UMAD1: variants seen among roughly 807,000 people sequenced by gnomAD.
The protein encoded by UMAD1 is UBAP1-MVB12-associated (UMA)-domain containing protein 1.
Under a neutral mutation model 6.1 loss-of-function variants are expected in UMAD1, and 8 were observed. The observed-to-expected ratio is 1.30, with a 90% CI of 0.76 to 2.35. UMAD1 has a LOEUF of 2.35. Ranked by LOEUF, UMAD1 falls within the 30% of genes most tolerant of loss-of-function variation. The probability of loss-of-function intolerance (pLI) is 0.00; values close to 1 mark genes in which losing one functional copy is unlikely to be tolerated. For missense variants in UMAD1, 130 were observed against 78.4 expected, an observed-to-expected ratio of 1.66 and a Z score of -2.49; for synonymous variants, 56 against 31.4, an observed-to-expected ratio of 1.78 and a Z score of -2.61.
At chr7:7,862,933 T>C (rs1160101067) in intron 3 of UMAD1, among the ~76,000 whole-genome samples, 1 of 152,186 alleles carries the variant, frequency 6.6e-6, no homozygotes, top group Non-Finnish European at 1.5e-5. Flanking sequence ...AAGAAAATTA[T>C]GATAATGTCT....
chr7:7,756,808 A>C (rs1781787440), intron 2 of UMAD1, among the ~76,000 whole-genome samples: 1 of 152,198 alleles, frequency 6.6e-6, no homozygotes, highest in African/African-American at 2.4e-5. Context: ...TACCAATCAT[A>C]TGTAGAGTTA....
intron 2 of UMAD1, among the ~76,000 whole-genome samples, chr7:7,783,862 C>G (rs1782401886): frequency 6.6e-6 from 1 of 152,092 alleles, no homozygotes; most frequent in Non-Finnish European, 1.5e-5. Context: ...TCTGGTTAAG[C>G]AAAATAAGAC....
chr7:7,723,628 T>C (rs116406583), intron 2 of UMAD1, among the ~76,000 whole-genome samples: 3,097 of 152,292 alleles, frequency 0.02, 94 homozygotes, highest in African/African-American at 0.071. Context: ...ACCTGTATCT[T>C]TCAAGAGCCC....
At chr7:7,668,424 A>T (rs919008790) in intron 1 of UMAD1, among the ~76,000 whole-genome samples, 4 of 152,300 alleles carry the variant, frequency 2.6e-5, no homozygotes, top group Non-Finnish European at 5.9e-5. Flanking sequence ...GGGGGACCAT[A>T]TTCACATAAC....
chr7:7,835,582 C>T (rs1583861216), intron 3 of UMAD1, among the ~76,000 whole-genome samples: 1 of 139,572 alleles, frequency 7.2e-6, no homozygotes, highest in Non-Finnish European at 1.5e-5. Flanking sequence ...GGAAATTGTA[C>T]AATAAATAAA....
intron 2 of UMAD1, among the ~76,000 whole-genome samples, chr7:7,794,391 A>C (rs1782629061): frequency 3.3e-5 from 5 of 152,168 alleles, no homozygotes; most frequent in Admixed American, 3.3e-4. Context: ...GGCTTATAAC[A>C]GGGAGCAAAA....
intron 3 of UMAD1, among the ~76,000 whole-genome samples, chr7:7,829,338 T>G (rs1783415692): frequency 6.6e-6 from 1 of 152,180 alleles, no homozygotes; most frequent in African/African-American, 2.4e-5. Flanking sequence ...GGGGAACAGG[T>G]GATTTCTGTT....
chr7:7,872,152 G>A (rs2115342049), intron 3 of UMAD1, among the ~76,000 whole-genome samples: 1 of 152,230 alleles, frequency 6.6e-6, no homozygotes, highest in Admixed American at 6.5e-5. Context: ...TACAGGTAAT[G>A]TACAGGCATA....
intron 2 of UMAD1, among the ~76,000 whole-genome samples, chr7:7,754,089 G>A (rs1000833120): frequency 1.3e-5 from 2 of 152,136 alleles, no homozygotes; most frequent in South Asian, 4.1e-4. Flanking sequence ...GGAGGCTGGG[G>A]CAGGAGAATC....
chr7:7,735,725 A>C (rs1048504363), intron 2 of UMAD1: 1 of 152,230 alleles, frequency 6.6e-6, no homozygotes, highest in Non-Finnish European at 1.5e-5. Flanking sequence ...GTTATGTTAA[A>C]TATGAATTTC....
intron 2 of UMAD1, among the ~76,000 whole-genome samples, chr7:7,787,922 C>T (rs1253471086): frequency 6.6e-6 from 1 of 152,162 alleles, no homozygotes; most frequent in Non-Finnish European, 1.5e-5. Flanking sequence ...CAAAGTGTAT[C>T]ATCTTAAATT....
intron 3 of UMAD1, among the ~76,000 whole-genome samples, chr7:7,824,950 T>G (rs57090059): frequency 0.3 from 46,206 of 152,068 alleles, 7,503 homozygotes; most frequent in East Asian, 0.46. Flanking sequence ...TGGGTTTTGT[T>G]TTTTTGTTTT....
intron 3 of UMAD1, among the ~76,000 whole-genome samples, chr7:7,870,247 G>A (rs760471853): frequency 2.0e-5 from 3 of 152,004 alleles, no homozygotes; most frequent in South Asian, 2.1e-4. Context: ...AATCTGACAC[G>A]GTATGCTCAT....
intron 2 of UMAD1, among the ~76,000 whole-genome samples, chr7:7,797,774 T>A (rs1236890633): frequency 6.6e-6 from 1 of 151,902 alleles, no homozygotes; most frequent in Non-Finnish European, 1.5e-5. Flanking sequence ...CTGCAACCTC[T>A]GCCTCCCAGG....
rs376264127 is a variant in UMAD1 at position 7,782,930 on chromosome 7, G to A, written c.83-18740G>A. Among the ~76,000 whole-genome samples, 8 of 152,150 alleles carry A rather than the reference G, an allele frequency of 5.3e-5. No homozygotes were observed. In the South Asian group the frequency reaches 1.7e-3, roughly 32 times the overall value. On this transcript the variant is annotated intron_variant, in intron 2 of 3. Coordinates refer to ENST00000682710, the MANE Select transcript of UMAD1 (RefSeq NM_001302348.2). ...GTATTTTTTATACAGACAGGGTTTT[G>A]CCATGTTGGCCAGGCTGGTCTTGAA...
intron 2 of UMAD1, among the ~76,000 whole-genome samples, chr7:7,761,068 T>C (rs1269561030): frequency 1.3e-5 from 2 of 152,100 alleles, no homozygotes; most frequent in Non-Finnish European, 1.5e-5. Flanking sequence ...TTGTGAATTA[T>C]GAAAAGGTCA....
chr7:7,687,153 C>A (rs955268025), intron 2 of UMAD1: 1 of 152,290 alleles, frequency 6.6e-6, no homozygotes. Context: ...AGGTACTGAA[C>A]TGGAAATAAT....
At position 7,769,546 on chromosome 7, in the gene UMAD1, G is replaced by A. The variant is rs75114320; in HGVS notation, c.83-32124G>A. Among the ~76,000 whole-genome samples, 297 of 152,202 alleles carry A rather than the reference G, an allele frequency of 2.0e-3. 2 individuals are homozygous for A. The highest frequency in any genetic ancestry group is 6.9e-3 in the African/African-American group (285 of 41,526). On this transcript the variant is annotated intron_variant, in intron 2 of 3. Coordinates refer to ENST00000682710, the MANE Select transcript of UMAD1 (RefSeq NM_001302348.2). ...TGATTCCTTCCCCAGTGAAATGCTC[G>A]TCGAGTGCTTGCTGTGTACCCAGCT...
chr7:7,797,517 G>T (rs1782710268), intron 2 of UMAD1, among the ~76,000 whole-genome samples: 1 of 151,972 alleles, frequency 6.6e-6, no homozygotes, highest in Admixed American at 6.6e-5. Flanking sequence ...TAGGTATTTG[G>T]TTCTTCTCCC....
Sources: gnomAD v4.1 joint callset for allele counts (sites outside exome capture counted in the v4.1 genomes callset) on GRCh38, gnomAD v4.1.1 for gene constraint, MANE v1.5 for transcripts, NCBI Gene and HGNC (gene_info 2026-07-23, HGNC 2026-07-21) for gene names.